EPB41L2: variants seen among roughly 807,000 people sequenced by gnomAD.
The protein encoded by EPB41L2 is band 4.1-like protein 2.
Under a neutral mutation model 113.0 loss-of-function variants are expected in EPB41L2, and 43 were observed. The ratio of observed to expected loss-of-function variants is 0.38; its 90% CI spans 0.30 to 0.49. EPB41L2 has a LOEUF of 0.49. EPB41L2 is among the 20% of genes least tolerant of loss of function. The probability of loss-of-function intolerance (pLI) is 0.95; values close to 1 mark genes in which losing one functional copy is unlikely to be tolerated. For synonymous variants in EPB41L2, 442 were observed against 436.7 expected, an observed-to-expected ratio of 1.01 and a Z score of -0.15; for missense variants, 1,147 against 1,223.4, an observed-to-expected ratio of 0.94 and a Z score of 0.93.
At chr6:130,959,292 C>G (rs1333780883) in intron 1 of EPB41L2, among the ~76,000 whole-genome samples, 4 of 151,932 alleles carry the variant, frequency 2.6e-5, no homozygotes, top group Non-Finnish European at 5.9e-5. Context: ...CTAGATGACC[C>G]CAAGACACAC....
At chr6:131,017,363 A>G (rs983357471) in intron 1 of EPB41L2, among the ~76,000 whole-genome samples, 4 of 152,180 alleles carry the variant, frequency 2.6e-5, no homozygotes, top group Non-Finnish European at 5.9e-5. Flanking sequence ...AAATTCACTG[A>G]TGAGTAGAAA....
rs117254608 is a variant in EPB41L2 at position 130,925,658 on chromosome 6, C to T, written c.810+947G>A. 9.9e-3 allele frequency among the ~76,000 whole-genome samples: 1,514 copies of T among 152,272 alleles called. 32 individuals are homozygous for T. Among genetic ancestry groups the T allele is most frequent in the Admixed American group, 0.041 (626 of 15,294 alleles). ...GGAGGTAATCCTAGCCAAATTCCCACCACTTTCTCTTTTGCAGCTTTTAGG... is the reference window on the plus strand; with the variant it reads ...GGAGGTAATCCTAGCCAAATTCCCATCACTTTCTCTTTTGCAGCTTTTAGG... On this transcript the variant is annotated intron_variant, in intron 4 of 19. Transcript: ENST00000337057.
intron 3 of EPB41L2, among the ~76,000 whole-genome samples, chr6:130,944,479 AAAC>A (rs1260395206): frequency 2.6e-5 from 4 of 152,228 alleles, no homozygotes; most frequent in Admixed American, 2.0e-4. Context: ...GAGAAAAATC[AAAC>A]AATACAAGAG....
At chr6:130,955,842 G>A (rs970234040) in intron 2 of EPB41L2, 152 bp downstream of exon 2, 25 of 1,340,556 alleles carry the variant, frequency 1.9e-5, no homozygotes, top group Non-Finnish European at 2.5e-5. Context: ...GAAAGGCTAT[G>A]GTAGACCAAT....
At chr6:130,981,969 A>G (rs1779475790) in intron 1 of EPB41L2, among the ~76,000 whole-genome samples, 1 of 152,108 alleles carries the variant, frequency 6.6e-6, no homozygotes, top group Non-Finnish European at 1.5e-5. Context: ...TTATAACAGA[A>G]TTATGTTTTC....
At chr6:130,851,258 G>A (rs1192866403) in intron 19 of EPB41L2, among the ~76,000 whole-genome samples, 1 of 152,204 alleles carries the variant, frequency 6.6e-6, no homozygotes, top group Non-Finnish European at 1.5e-5. Context: ...TCAGCCAACA[G>A]GGTTCTTTTC....
At chr6:130,982,694 T>G (rs1199170027) in intron 1 of EPB41L2, among the ~76,000 whole-genome samples, 2 of 152,210 alleles carry the variant, frequency 1.3e-5, no homozygotes, top group African/African-American at 4.8e-5. Context: ...AGTCATTGTT[T>G]TGAAGAAAAT....
intron 1 of EPB41L2, among the ~76,000 whole-genome samples, chr6:130,991,114 C>A (rs1368837968): frequency 6.6e-6 from 1 of 152,122 alleles, no homozygotes; most frequent in African/African-American, 2.4e-5. Flanking sequence ...CAGGCATGAG[C>A]CACTTACCAA....
rs575572951 is a variant in EPB41L2, at chr6:131,006,540, C to T, written c.-14-50041G>A. On this transcript the variant is annotated intron_variant, in intron 1 of 19. Transcript: ENST00000337057. ...AAAAATTTAGCCAAGTGTGGTGGTG[C>T]GCGCCTGTATTTCCAGCTACTCAGG... 1.8e-4 allele frequency among the ~76,000 whole-genome samples: 28 copies of T among 151,354 alleles called. No homozygotes were observed. In the South Asian group the frequency reaches 3.4e-3, roughly 18 times the overall value.
chr6:130,915,483 T>C (rs149213701), intron 4 of EPB41L2, among the ~76,000 whole-genome samples: 1 of 152,314 alleles, frequency 6.6e-6, no homozygotes, highest in African/African-American at 2.4e-5. Flanking sequence ...CAGAACCTCT[T>C]TGTCACCTGC....
chr6:130,876,833 G>A (rs1453107636), intron 14 of EPB41L2: 15 of 1,105,440 alleles, frequency 1.4e-5, no homozygotes, highest in Non-Finnish European at 1.8e-5. Context: ...TACACCTATA[G>A]CAACACAAAC....
intron 1 of EPB41L2, 119 bp from the exon 2 acceptor site, chr6:130,956,618 C>A: frequency 1.1e-6 from 1 of 896,076 alleles, no homozygotes; most frequent in South Asian, 1.9e-5. Flanking sequence ...AGGGAGAAAG[C>A]ACATCAAGAA....
intron 7 of EPB41L2, 144 bp from the exon 8 acceptor site, chr6:130,899,722 A>C: frequency 1.5e-6 from 1 of 663,124 alleles, no homozygotes; most frequent in Non-Finnish European, 2.6e-6. Flanking sequence ...ATGGTAAGAA[A>C]ACAACTCTCA....
chr6:130,910,481 T>A (rs2128514652), intron 4 of EPB41L2, among the ~76,000 whole-genome samples: 1 of 152,256 alleles, frequency 6.6e-6, no homozygotes, highest in Non-Finnish European at 1.5e-5. Flanking sequence ...AGCCTTCATT[T>A]CTAAAACACC....
At chr6:130,876,446 T>C (rs986275475) in intron 14 of EPB41L2, among the ~76,000 whole-genome samples, 1 of 152,180 alleles carries the variant, frequency 6.6e-6, no homozygotes, top group African/African-American at 2.4e-5. Flanking sequence ...TTGGTTGATG[T>C]TTCTGTATTT....
chr6:130,980,273 A>C (rs1441140444), intron 1 of EPB41L2, among the ~76,000 whole-genome samples: 1 of 152,180 alleles, frequency 6.6e-6, no homozygotes, highest in African/African-American at 2.4e-5. Flanking sequence ...GCAAGTAATA[A>C]CTACAAAAAG....
intron 4 of EPB41L2, among the ~76,000 whole-genome samples, chr6:130,917,834 C>T (rs577917142): frequency 8.5e-5 from 13 of 152,168 alleles, no homozygotes; most frequent in African/African-American, 1.2e-4. Context: ...CCCCAGAGTT[C>T]GAAGTTTCTC....
chr6:130,897,736 C>G (rs1795084226), intron 8 of EPB41L2, among the ~76,000 whole-genome samples: 1 of 152,168 alleles, frequency 6.6e-6, no homozygotes, highest in South Asian at 2.1e-4. Context: ...CTGAAAAACA[C>G]TGGAGTGTTA....
At chr6:131,019,359 A>G (rs1483362472) in intron 1 of EPB41L2, among the ~76,000 whole-genome samples, 2 of 152,230 alleles carry the variant, frequency 1.3e-5, no homozygotes, top group Non-Finnish European at 2.9e-5. Context: ...TATATTATAT[A>G]AACTGCAAAG....
Sources: gnomAD v4.1 joint callset for allele counts (sites outside exome capture counted in the v4.1 genomes callset) on GRCh38, gnomAD v4.1.1 for gene constraint, MANE v1.5 for transcripts, NCBI Gene and HGNC (gene_info 2026-07-23, HGNC 2026-07-21) for gene names.